CCDC171: variants seen among roughly 807,000 people sequenced by gnomAD.
CCDC171 encodes coiled-coil domain-containing protein 171.
CCDC171 carries 177 observed loss-of-function variants against 168.2 expected under a neutral mutation model. The observed-to-expected ratio is 1.05, with a 90% confidence interval of 0.93 to 1.19. The LOEUF (loss-of-function observed/expected upper bound fraction) is 1.19. Among genes scored for constraint, CCDC171 ranks in the 50% most tolerant of loss-of-function variants. The pLI is 0.00. For missense variants in CCDC171, 1,991 were observed against 1,539.0 expected, an observed-to-expected ratio of 1.29 and a Z score of -4.91; for synonymous variants, 687 against 540.8, an observed-to-expected ratio of 1.27 and a Z score of -3.75.
At chr9:16,071,931 C>G in the CCDC171 span, among the ~76,000 whole-genome samples, 1 of 152,068 alleles carries the variant, frequency 6.6e-6, no homozygotes, top group Non-Finnish European at 1.5e-5. Context: ...TTTCCCCTCA[C>G]AGCTCACCTG....
At chr9:15,797,089 A>G (rs1352977297) in intron 21 of CCDC171, among the ~76,000 whole-genome samples, 2 of 152,176 alleles carry the variant, frequency 1.3e-5, no homozygotes, top group Admixed American at 1.3e-4. Context: ...TAATGGGTGT[A>G]TATGGTATGT....
At chr9:15,748,347 T>C (rs1245140619) in intron 18 of CCDC171, among the ~76,000 whole-genome samples, 1 of 152,176 alleles carries the variant, frequency 6.6e-6, no homozygotes, top group Non-Finnish European at 1.5e-5. Flanking sequence ...CTGTGTTTGA[T>C]TGGTGTATCT....
chr9:15,726,800 A>T (rs368486244), intron 14 of CCDC171, among the ~76,000 whole-genome samples: 1 of 152,062 alleles, frequency 6.6e-6, no homozygotes, highest in Non-Finnish European at 1.5e-5. Context: ...CTCTTTTAAA[A>T]GTTTTCTTCC....
At chr9:15,742,697 G>A (rs536569353) in intron 16 of CCDC171, among the ~76,000 whole-genome samples, 3 of 152,128 alleles carry the variant, frequency 2.0e-5, no homozygotes, top group African/African-American at 4.8e-5. Context: ...GTGCCCTTTT[G>A]TACTCCTCTG....
intron 7 of CCDC171, among the ~76,000 whole-genome samples, chr9:15,641,975 C>T (rs1236275287): frequency 1.3e-5 from 2 of 152,188 alleles, no homozygotes; most frequent in East Asian, 1.9e-4. Context: ...ATCAGCCTGG[C>T]CAACATGGTG....
chr9:15,777,830 T>G lies in CCDC171; in HGVS notation c.2898+4T>G, dbSNP rs202139088. 4.3e-5 allele frequency: 68 copies of G among 1,568,688 alleles called. No individual in the cohort carries two copies. The East Asian group carries it at 1.2e-3, about 28-fold the overall frequency. On this transcript the variant is annotated splice_donor_region_variant and intron_variant, in intron 19 of 25. Transcript: ENST00000380701. The stretch of plus-strand genomic sequence containing the variant: ...GCGTGGCCATGTGCCCATTACGGTA[T>G]GTATACACTTTCATTTAGTAGTAAC...
intron 16 of CCDC171, among the ~76,000 whole-genome samples, chr9:15,734,224 T>C (rs2054336335): frequency 6.6e-6 from 1 of 152,220 alleles, no homozygotes; most frequent in Non-Finnish European, 1.5e-5. Context: ...TTTAATTATC[T>C]GTAAAAGTAC....
At chr9:15,652,549 G>C (rs1361993258) in intron 7 of CCDC171, among the ~76,000 whole-genome samples, 1 of 151,254 alleles carries the variant, frequency 6.6e-6, no homozygotes, top group African/African-American at 2.4e-5. Context: ...TCTCACCTTA[G>C]CCTCCCTTGT....
At chr9:15,821,055 C>G (rs2059751890) in intron 21 of CCDC171, among the ~76,000 whole-genome samples, 1 of 117,156 alleles carries the variant, frequency 8.5e-6, no homozygotes, top group South Asian at 2.9e-4. Flanking sequence ...TAAACATAAT[C>G]CAGCATATAA....
At chr9:16,048,152 C>T (rs958707059) in intron 1 of CCDC171, among the ~76,000 whole-genome samples, 4 of 152,230 alleles carry the variant, frequency 2.6e-5, no homozygotes, top group African/African-American at 7.2e-5. Context: ...GAGCTGCGTC[C>T]TCTGTAAGAA....
At chr9:15,628,340 C>G (rs1049840190) in intron 7 of CCDC171, among the ~76,000 whole-genome samples, 9 of 152,210 alleles carry the variant, frequency 5.9e-5, no homozygotes, top group African/African-American at 2.2e-4. Context: ...CTGCGCTTTT[C>G]CGACGGGCTT....
chr9:15,605,581 GGA>G (rs984524729), intron 6 of CCDC171, among the ~76,000 whole-genome samples: 2 of 150,552 alleles, frequency 1.3e-5, no homozygotes, highest in African/African-American at 2.4e-5. Flanking sequence ...CAGCTACTCA[GGA>G]GGCTGAGGCA....
chr9:15,610,248 T>C (rs1477253215), intron 6 of CCDC171, among the ~76,000 whole-genome samples: 1 of 150,890 alleles, frequency 6.6e-6, no homozygotes, highest in Non-Finnish European at 1.5e-5. Context: ...TTTTTGAGAC[T>C]GGATCTTGCT....
At chr9:15,758,261 G>C (rs1021882929) in intron 18 of CCDC171, among the ~76,000 whole-genome samples, 6 of 152,202 alleles carry the variant, frequency 3.9e-5, no homozygotes, top group Admixed American at 2.0e-4. Flanking sequence ...CCCACTTCTT[G>C]CATCAGCATG....
Position 15,695,217 on chromosome 9 carries a change from T to G in CCDC171, c.1216-18T>G, listed in dbSNP as rs201705256. On this transcript the variant is annotated intron_variant, in intron 10 of 25. Transcript: ENST00000380701. Reference sequence around the variant, plus strand: ...TATAATACGTGACCTTATGTGTAATTTTTTTCTTAATTAAAAGGCTAAGAA... The same window carrying G: ...TATAATACGTGACCTTATGTGTAATGTTTTTCTTAATTAAAAGGCTAAGAA... The G allele has an allele frequency of 4.0e-5, 64 of 1,584,558 alleles. No individual in the cohort carries two copies. Among genetic ancestry groups the G allele is most frequent in the Middle Eastern group, 1.7e-4 (1 of 6,010 alleles).
chr9:16,065,355 A>G (rs1277909210), downstream of CCDC171, among the ~76,000 whole-genome samples: 2 of 151,550 alleles, frequency 1.3e-5, no homozygotes, highest in Non-Finnish European at 2.9e-5. Flanking sequence ...GTTCTGGGAA[A>G]AGCTTGTGGG....
intron 22 of CCDC171, among the ~76,000 whole-genome samples, chr9:15,847,649 AG>A (rs2060957993): frequency 6.6e-6 from 1 of 152,128 alleles, no homozygotes; most frequent in African/African-American, 2.4e-5. Context: ...TTCTAAATTT[AG>A]AATTCTGAAT....
chr9:15,567,153 C>T (rs2039811984), intron 2 of CCDC171, among the ~76,000 whole-genome samples: 1 of 151,650 alleles, frequency 6.6e-6, no homozygotes, highest in Non-Finnish European at 1.5e-5. Flanking sequence ...TCCCGAGTAG[C>T]TGGGATTACA....
intron 9 of CCDC171, among the ~76,000 whole-genome samples, chr9:15,671,856 G>C (rs958453009): frequency 1.3e-5 from 2 of 152,084 alleles, no homozygotes; most frequent in African/African-American, 4.8e-5. Flanking sequence ...ATAATCCTTT[G>C]GGTATATACC....
Sources: allele counts gnomAD v4.1 joint callset (sites outside exome capture counted in the v4.1 genomes callset), GRCh38; gene constraint gnomAD v4.1.1; transcripts MANE v1.5; gene names NCBI Gene and HGNC (gene_info 2026-07-23, HGNC 2026-07-21).